TENM2: variants seen among roughly 807,000 people sequenced by gnomAD.
TENM2 encodes teneurin-2.
A neutral mutation model predicts 245.2 loss-of-function variants in TENM2; 52 were observed. That is an observed-to-expected ratio of 0.21 (90% CI 0.17 to 0.27). The LOEUF (loss-of-function observed/expected upper bound fraction) is 0.27. Ranked by LOEUF, TENM2 falls within the 10% of genes least tolerant of loss-of-function variation. TENM2 has a pLI of 1.00. For synonymous variants in TENM2, 1,363 were observed against 1,438.9 expected, an observed-to-expected ratio of 0.95 and a Z score of 1.19; for missense variants, 3,046 against 3,666.8, an observed-to-expected ratio of 0.83 and a Z score of 4.37.
At chr5:167,905,515 A>AG (rs911240877) in intron 3 of TENM2, among the ~76,000 whole-genome samples, 6 of 152,272 alleles carry the variant, frequency 3.9e-5, no homozygotes, top group Non-Finnish European at 8.8e-5. Flanking sequence ...ACTCCACAGG[A>AG]GGGGGCTAGG....
intron 13 of TENM2, among the ~76,000 whole-genome samples, chr5:168,173,749 T>C (rs1759074828): frequency 6.6e-6 from 1 of 152,096 alleles, no homozygotes; most frequent in Non-Finnish European, 1.5e-5. Flanking sequence ...ACACTAAAGC[T>C]GTCACTGCAG....
At chr5:167,930,502 T>A (rs2151701273) in intron 3 of TENM2, among the ~76,000 whole-genome samples, 1 of 151,826 alleles carries the variant, frequency 6.6e-6, no homozygotes, top group East Asian at 1.9e-4. Context: ...AGAGACAGGG[T>A]CTCACCCTGT....
At chr5:167,572,492 C>G (rs1774337745) in intron 2 of TENM2, among the ~76,000 whole-genome samples, 1 of 152,190 alleles carries the variant, frequency 6.6e-6, no homozygotes. Context: ...GATGGCCAGT[C>G]AAAAGCTTGG....
intron 4 of TENM2, among the ~76,000 whole-genome samples, chr5:167,977,011 T>C (rs1362140856): frequency 6.6e-6 from 1 of 152,226 alleles, no homozygotes; most frequent in Non-Finnish European, 1.5e-5. Flanking sequence ...TCATGTCTTT[T>C]GTGGGAACAT....
At chr5:168,035,609 G>T (rs1291028621) in intron 5 of TENM2, among the ~76,000 whole-genome samples, 2 of 152,128 alleles carry the variant, frequency 1.3e-5, no homozygotes, top group East Asian at 1.9e-4. Flanking sequence ...AGAAGATGTG[G>T]ACATTTCAGA....
At chr5:167,224,747 A>G in the TENM2 span, among the ~76,000 whole-genome samples, 1 of 151,844 alleles carries the variant, frequency 6.6e-6, no homozygotes, top group South Asian at 2.1e-4. Context: ...AAATTATATT[A>G]GTATTTTGAT....
rs974330422 is a variant in TENM2 at position 167,983,137 on chromosome 5, G to GA, written c.948-9801dup. On this transcript the variant is annotated intron_variant, in intron 4 of 28. Transcript: ENST00000518659. ...TATCAAGACTCTTACCAATTAACTT[G>GA]AAAAAAGTCACCAAGTTAACAACTC... Among the ~76,000 whole-genome samples the GA allele has an allele frequency of 2.0e-5, 3 of 148,090 alleles. No homozygotes were observed. In the South Asian group the frequency reaches 6.6e-4, roughly 33 times the overall value.
the TENM2 span, among the ~76,000 whole-genome samples, chr5:167,090,355 C>G: frequency 6.6e-6 from 1 of 151,092 alleles, no homozygotes; most frequent in Non-Finnish European, 1.5e-5. Flanking sequence ...GTCATTAAAG[C>G]CAAAGAAAGT....
At chr5:167,282,998 T>A (rs17068240), upstream of TENM2, among the ~76,000 whole-genome samples, 1 of 152,090 alleles carries the variant, frequency 6.6e-6, no homozygotes, top group African/African-American at 2.4e-5. Context: ...TATGAGCAAC[T>A]GAGGCAGCAC....
chr5:168,218,835 C>A lies in TENM2; in HGVS notation c.4944C>A (p.His1648Gln), dbSNP rs747405956. The A allele has an allele frequency of 2.5e-6, 4 of 1,613,988 alleles. No individual in the cohort carries two copies. Residue 1648 changes from histidine (H) to glutamine (Q), a missense_variant, in exon 23 of 29, where the codon CAC becomes CAA. By Grantham distance (24) the His-to-Gln change is conservative (BLOSUM62 0). This residue lies in a region of TENM2 where 2,704 missense variants were observed against 3,331.9 expected (regional missense o/e 0.81). Transcript: ENST00000518659. The surrounding 1 kb of genome is among the most constrained non-coding windows in gnomAD (Gnocchi z 5.2). The stretch of plus-strand genomic sequence containing the variant: ...GGGACAGCAGTGGCATGCCCCGTCA[C>A]CTGCTCATGCCTGACAACCAGATCA...
chr5:167,346,486 A>G (rs145186260), intron 1 of TENM2, among the ~76,000 whole-genome samples: 1 of 152,344 alleles, frequency 6.6e-6, no homozygotes, highest in Non-Finnish European at 1.5e-5. Context: ...AGACTTTTTA[A>G]GATATTAAAA....
rs903144014 is a variant in TENM2, at chr5:167,540,180, G to A, written c.502+164707G>A. Among the ~76,000 whole-genome samples the A allele has an allele frequency of 6.6e-5, 10 of 152,180 alleles. 1 individual carries two copies. Among genetic ancestry groups the A allele is most frequent in the African/African-American group, 2.4e-4 (10 of 41,464 alleles). On this transcript the variant is annotated intron_variant, in intron 2 of 28. Coordinates refer to ENST00000518659, the Ensembl canonical transcript of TENM2. ...AAAAATAAAAATGACACTGTGGAGA[G>A]CCACATATTCAGTCAAATCTCCAAG... is the stretch of plus-strand genomic sequence containing the variant.
At chr5:167,241,195 G>A in the TENM2 span, among the ~76,000 whole-genome samples, 3 of 151,850 alleles carry the variant, frequency 2.0e-5, no homozygotes, top group Admixed American at 6.6e-5. Context: ...TACTATTTAC[G>A]AAGCCTGTAC....
At chr5:167,257,247 A>G in the TENM2 span, among the ~76,000 whole-genome samples, 1 of 152,124 alleles carries the variant, frequency 6.6e-6, no homozygotes, top group Non-Finnish European at 1.5e-5. Flanking sequence ...CATACCCTAT[A>G]TAATGATTTA....
At chr5:167,767,820 GGGTAAAAGACT>G (rs1763137862) in intron 2 of TENM2, among the ~76,000 whole-genome samples, 1 of 152,152 alleles carries the variant, frequency 6.6e-6, no homozygotes, top group South Asian at 2.1e-4. Flanking sequence ...ACACTTGTGG[GGGTAAAAGACT>G]GGCAAAATCC....
the TENM2 span, among the ~76,000 whole-genome samples, chr5:167,096,985 C>T: frequency 1.3e-5 from 2 of 152,092 alleles, no homozygotes; most frequent in Non-Finnish European, 2.9e-5. Context: ...TCTAGTCAGC[C>T]AGTCATGAAG....
intron 4 of TENM2, among the ~76,000 whole-genome samples, chr5:167,989,295 AGAG>A (rs1562021266): frequency 3.3e-5 from 5 of 151,168 alleles, no homozygotes; most frequent in African/African-American, 1.2e-4. Context: ...AGAGAGAGAG[AGAG>A]AGATAGATAG....
intron 5 of TENM2, among the ~76,000 whole-genome samples, chr5:168,030,168 T>TTTTTTTTTTTTTTTTTTTTTTTTTTTTTC (rs1562071982): frequency 1.2e-5 from 1 of 84,698 alleles, no homozygotes; most frequent in Non-Finnish European, 2.6e-5. Context: ...CTTTTTTTTT[T>TTTTTTTTTTTTTTTTTTTTTTTTTTTTTC]TTTTTTTTTT....
intron 5 of TENM2, among the ~76,000 whole-genome samples, chr5:168,038,053 G>A (rs1022923463): frequency 2.6e-5 from 4 of 152,194 alleles, no homozygotes; most frequent in African/African-American, 7.2e-5. Flanking sequence ...GGTTGTCAGT[G>A]GATGGAGTGA....
Sources: gnomAD v4.1 joint callset for allele counts (sites outside exome capture counted in the v4.1 genomes callset) on GRCh38, gnomAD v4.1.1 for gene constraint, gnomAD v4.1.1 regional missense constraint, Gnocchi (gnomAD v3.1) non-coding constraint, MANE v1.5 for transcripts, NCBI Gene and HGNC (gene_info 2026-07-23, HGNC 2026-07-21) for gene names.